Variants in ADCYAP1R1 observed in about 807,000 individuals in gnomAD.
ADCYAP1R1 encodes the protein pituitary adenylate cyclase-activating polypeptide type I receptor.
A neutral mutation model predicts 67.6 loss-of-function variants in ADCYAP1R1; 44 were observed. The ratio of observed to expected loss-of-function variants is 0.65; its 90% CI spans 0.51 to 0.84. The LOEUF is 0.84. Among genes scored for constraint, ADCYAP1R1 ranks in the 40% least tolerant of loss-of-function variants. ADCYAP1R1 has a pLI of 0.00. For missense variants in ADCYAP1R1, 477 were observed against 587.9 expected (o/e 0.81, Z 1.95); for synonymous variants, 222 against 219.6 (o/e 1.01, Z -0.10).
Position 31,087,069 on chromosome 7 carries a change from G to A in ADCYAP1R1, c.884+66G>A. 3.8e-6 allele frequency: 6 copies of A among 1,567,636 alleles called. No individual in the cohort carries two copies. In the South Asian group the frequency reaches 6.7e-5, roughly 17 times the overall value. On this transcript the variant is annotated intron_variant, in intron 11 of 15. Coordinates refer to ENST00000304166, the MANE Select transcript of ADCYAP1R1 (RefSeq NM_001118.5). ...GATTCTTACAGATGGGTTCTCAGTA[G>A]CTGCCCTGACTTCACATGAACTGCC...
intron 5 of ADCYAP1R1, 89 bp from the exon 6 acceptor site, chr7:31,081,624 G>GGGTA (rs1347010607): frequency 1.9e-6 from 2 of 1,064,300 alleles, no homozygotes; most frequent in Non-Finnish European, 2.8e-6. Flanking sequence ...TGTAGACCAG[G>GGGTA]GGTAGCCTGA....
chr7:31,089,585 T>C (rs1187881132), intron 12 of ADCYAP1R1, among the ~76,000 whole-genome samples: 2 of 152,230 alleles, frequency 1.3e-5, no homozygotes, highest in African/African-American at 4.8e-5. Flanking sequence ...GTGCATATCT[T>C]GAGCATACGT....
At chr7:31,077,277 G>T (rs1430719090) in intron 3 of ADCYAP1R1, among the ~76,000 whole-genome samples, 1 of 151,938 alleles carries the variant, frequency 6.6e-6, no homozygotes, top group Non-Finnish European at 1.5e-5. Flanking sequence ...TGTGGGTGTG[G>T]TGCATGTGTG....
chr7:31,054,482 G>A (rs1794160221), intron 1 of ADCYAP1R1, among the ~76,000 whole-genome samples: 1 of 152,182 alleles, frequency 6.6e-6, no homozygotes, highest in African/African-American at 2.4e-5. Flanking sequence ...ACCTCTCTCT[G>A]TTGTGCGTCA....
chr7:31,098,409 C>T (rs776205471), intron 13 of ADCYAP1R1, among the ~76,000 whole-genome samples: 8 of 152,140 alleles, frequency 5.3e-5, no homozygotes, highest in Non-Finnish European at 1.0e-4. Flanking sequence ...CTCCTAATGG[C>T]GCTTCTCAAG....
At chr7:31,066,248 A>G (rs1794732409) in intron 3 of ADCYAP1R1, among the ~76,000 whole-genome samples, 1 of 152,164 alleles carries the variant, frequency 6.6e-6, no homozygotes, top group South Asian at 2.1e-4. Context: ...CCTGCTCCCA[A>G]CCCAGGGCCA....
rs1026108495 is a variant in ADCYAP1R1 at position 31,110,469 on chromosome 7, C to A, written c.*3785C>A. 3 of 152,134 alleles carry A rather than the reference C, an allele frequency of 2.0e-5. No individual in the cohort carries two copies. The highest frequency in any genetic ancestry group is 4.4e-5 in the Non-Finnish European group (3 of 68,032). The allele number at this position is 152,134 out of a possible 1,614,324, so 9.4% of individuals were successfully genotyped here. On this transcript the variant is annotated 3_prime_UTR_variant, in exon 16 of 16. Coordinates refer to ENST00000304166, the MANE Select transcript of ADCYAP1R1 (RefSeq NM_001118.5). ...TCCCCATTGGGCTGATGAGAAAATA[C>A]ACGCAGGCCTAGCATGGTGCCTGCC...
At chr7:31,093,473 A>T (rs76886589) in intron 13 of ADCYAP1R1, among the ~76,000 whole-genome samples, 1 of 152,160 alleles carries the variant, frequency 6.6e-6, no homozygotes, top group East Asian at 1.9e-4. Context: ...GCCCTGTCTC[A>T]TTATGAAATC....
At position 31,092,722 on chromosome 7, in the gene ADCYAP1R1, T is replaced by G; in HGVS notation, c.1033T>G (p.Ser345Ala). 1 of 1,611,704 alleles carries G rather than the reference T, an allele frequency of 6.2e-7. No individual in the cohort carries two copies. The change falls in exon 13 of 16, where the codon TCC becomes GCC. Residue 345 changes from serine to alanine, a missense_variant. By Grantham distance (99) the Ser-to-Ala change is moderately conservative (BLOSUM62 1). Transcript: ENST00000304166. The stretch of plus-strand genomic sequence containing the variant: ...GTCTCCAGACATGGGAGGCAATGAG[T>G]CCAGCATCTACTTGTAAGTACCATT... Reference protein sequence around the residue: ...LQSPDMGGNESSIYLRLARST... With the variant: ...LQSPDMGGNEASIYLRLARST...
intron 13 of ADCYAP1R1, among the ~76,000 whole-genome samples, chr7:31,099,399 CAG>C (rs1415719773): frequency 1.3e-5 from 2 of 152,162 alleles, no homozygotes; most frequent in African/African-American, 4.8e-5. Flanking sequence ...AAAATGTGGC[CAG>C]AACAACTGAG....
chr7:31,084,085 A>G (rs1795631836), intron 6 of ADCYAP1R1, 56 bp from the exon 7 acceptor site: 3 of 1,495,712 alleles, frequency 2.0e-6, no homozygotes, highest in Admixed American at 1.7e-5. Flanking sequence ...TTGCATAAGA[A>G]TTTCAGGGCC....
At chr7:31,065,594 C>T (rs532443079) in intron 3 of ADCYAP1R1, among the ~76,000 whole-genome samples, 5 of 152,320 alleles carry the variant, frequency 3.3e-5, no homozygotes, top group South Asian at 2.1e-4. Context: ...GGGAGTGGCA[C>T]GATCCCTGGT....
At chr7:31,070,694 G>T (rs1584491476) in intron 3 of ADCYAP1R1, among the ~76,000 whole-genome samples, 1 of 152,216 alleles carries the variant, frequency 6.6e-6, no homozygotes, top group Non-Finnish European at 1.5e-5. Context: ...CTGACACAGG[G>T]TGTCACTTCT....
rs1425638779 is a variant in ADCYAP1R1 at position 31,106,693 on chromosome 7, C to T, written c.*9C>T. ...ACAATCTGGCCACCTGAGCCATGCT[C>T]CCCTCCTCCTCCTCTCCTCCATCCA... On this transcript the variant is annotated 3_prime_UTR_variant, in exon 16 of 16. Transcript: ENST00000304166. 2.5e-6 allele frequency: 4 copies of T among 1,597,010 alleles called. No individual in the cohort carries two copies. The African/African-American group carries it at 4.0e-5, about 16-fold the overall frequency.
chr7:31,096,563 AG>A (rs1419668335), intron 13 of ADCYAP1R1, among the ~76,000 whole-genome samples: 1 of 152,220 alleles, frequency 6.6e-6, no homozygotes, highest in Non-Finnish European at 1.5e-5. Flanking sequence ...AAGATGACCC[AG>A]CAGTCAGTGG....
Position 31,086,911 on chromosome 7 carries a change from T to A in ADCYAP1R1, c.824-32T>A, listed in dbSNP as rs201602752. On this transcript the variant is annotated intron_variant, in intron 10 of 15. Coordinates refer to ENST00000304166, the MANE Select transcript of ADCYAP1R1 (RefSeq NM_001118.5). The surrounding 1 kb of genome is among the most constrained non-coding windows in gnomAD (Gnocchi z 5.0). ...GACATTGGACATGTTGGTTTTCCTGTTCTCACGGACCTCTTTTTCTTGTTC... is the reference window on the plus strand; with the variant it reads ...GACATTGGACATGTTGGTTTTCCTGATCTCACGGACCTCTTTTTCTTGTTC... The A allele has an allele frequency of 6.2e-7, 1 of 1,613,202 alleles. No homozygotes were observed. The highest frequency in any genetic ancestry group is 2.2e-5 in the East Asian group (1 of 44,868).
intron 3 of ADCYAP1R1, among the ~76,000 whole-genome samples, chr7:31,076,514 A>G (rs2267726): frequency 0.42 from 63,767 of 152,068 alleles, 15,212 homozygotes; most frequent in East Asian, 0.68. Context: ...CTCATGTCCA[A>G]TGAGGCACCA....
chr7:31,069,815 G>A (rs1794899835), intron 3 of ADCYAP1R1, among the ~76,000 whole-genome samples: 1 of 152,204 alleles, frequency 6.6e-6, no homozygotes, highest in African/African-American at 2.4e-5. Flanking sequence ...GCCCAGAGAG[G>A]TGGCCGTGGG....
chr7:31,078,198 G>C, intron 4 of ADCYAP1R1, 100 bp downstream of exon 4: 1 of 849,672 alleles, frequency 1.2e-6, no homozygotes, highest in South Asian at 1.7e-5. Flanking sequence ...CCTGTGGGCA[G>C]ACAGTCCCTG....
Sources: gnomAD v4.1 joint callset for allele counts (sites outside exome capture counted in the v4.1 genomes callset) on GRCh38, gnomAD v4.1.1 for gene constraint, Gnocchi (gnomAD v3.1) non-coding constraint, MANE v1.5 for transcripts, NCBI Gene and HGNC (gene_info 2026-07-23, HGNC 2026-07-21) for gene names.